EFCAB11: variants seen among roughly 807,000 people sequenced by gnomAD.
EFCAB11 encodes the protein EF-hand calcium binding domain 11, also known as EF-hand calcium-binding domain-containing protein 11.
A neutral mutation model predicts 23.0 loss-of-function variants in EFCAB11; 14 were observed. The observed-to-expected ratio is 0.61, with a 90% CI of 0.40 to 0.95. EFCAB11 has a LOEUF of 0.95. EFCAB11 is among the 40% of genes least tolerant of loss of function. The probability of loss-of-function intolerance (pLI) is 0.00; values close to 1 mark genes in which losing one functional copy is unlikely to be tolerated. For synonymous variants in EFCAB11, 65 were observed against 66.6 expected, an observed-to-expected ratio of 0.98 and a Z score of 0.11; for missense variants, 198 against 195.8, an observed-to-expected ratio of 1.01 and a Z score of -0.07.
At chr14:89,953,866 G>T in intron 2 of EFCAB11, 40 bp downstream of exon 2, 1 of 1,537,292 alleles carries the variant, frequency 6.5e-7, no homozygotes, top group South Asian at 1.1e-5. Flanking sequence ...ATTCACCTTT[G>T]ATCGTCTACC....
intron 5 of EFCAB11, among the ~76,000 whole-genome samples, chr14:89,853,388 C>A (rs995826229): frequency 6.6e-6 from 1 of 152,188 alleles, no homozygotes; most frequent in Non-Finnish European, 1.5e-5. Context: ...TTATTGAGTA[C>A]CTACTATGTG....
chr14:89,885,474 C>G (rs559011368), intron 5 of EFCAB11, among the ~76,000 whole-genome samples: 1 of 151,962 alleles, frequency 6.6e-6, no homozygotes, highest in East Asian at 1.9e-4. Context: ...ATCAGGAGAT[C>G]GAGACCATCC....
At chr14:89,867,719 A>C (rs1179654836) in intron 5 of EFCAB11, among the ~76,000 whole-genome samples, 1 of 152,230 alleles carries the variant, frequency 6.6e-6, no homozygotes, top group African/African-American at 2.4e-5. Flanking sequence ...TGTTAGTATG[A>C]ATTAGTTAAA....
At chr14:89,920,546 C>T (rs1384915785) in intron 5 of EFCAB11, among the ~76,000 whole-genome samples, 1 of 152,252 alleles carries the variant, frequency 6.6e-6, no homozygotes, top group Non-Finnish European at 1.5e-5. Flanking sequence ...AGTCTTTAGA[C>T]CTCTCTGAGC....
chr14:89,898,340 TTTTC>T (rs1387158282), intron 5 of EFCAB11, among the ~76,000 whole-genome samples: 9 of 151,082 alleles, frequency 6.0e-5, no homozygotes, highest in African/African-American at 2.2e-4. Flanking sequence ...CATGATGTGA[TTTTC>T]TTTTTCTCGT....
At chr14:89,806,596 T>C (rs942116116) in intron 5 of EFCAB11, among the ~76,000 whole-genome samples, 5 of 152,196 alleles carry the variant, frequency 3.3e-5, no homozygotes, top group Non-Finnish European at 7.3e-5. Context: ...TCTTCCATTC[T>C]TCCCCCCATG....
intron 5 of EFCAB11, among the ~76,000 whole-genome samples, chr14:89,840,090 T>A (rs578105423): frequency 1.3e-5 from 2 of 152,338 alleles, no homozygotes; most frequent in South Asian, 4.1e-4. Context: ...GATTTGCCAC[T>A]TAAAAGTGCC....
chr14:89,854,895 C>G (rs757537392), intron 5 of EFCAB11, among the ~76,000 whole-genome samples: 3 of 152,166 alleles, frequency 2.0e-5, no homozygotes, highest in Non-Finnish European at 2.9e-5. Flanking sequence ...TAGACTCTTG[C>G]ATTGGGGCCT....
chr14:89,915,184 C>T (rs912667045), intron 5 of EFCAB11, among the ~76,000 whole-genome samples: 1 of 152,100 alleles, frequency 6.6e-6, no homozygotes, highest in African/African-American at 2.4e-5. Flanking sequence ...AGGCTATTTC[C>T]AGGATGGAGT....
At chr14:89,938,177 G>A (rs1327842372) in intron 3 of EFCAB11, 2 of 152,146 alleles carry the variant, frequency 1.3e-5, no homozygotes, top group Non-Finnish European at 2.9e-5. Context: ...CCTGGGGAGA[G>A]TGAAGGAGAA....
intron 3 of EFCAB11, among the ~76,000 whole-genome samples, chr14:89,939,281 A>T (rs1397393350): frequency 6.6e-6 from 1 of 152,090 alleles, no homozygotes; most frequent in African/African-American, 2.4e-5. Context: ...AGAGGTTAAA[A>T]AAAAAAAGTA....
chr14:89,894,296 C>T (rs1159607047), intron 5 of EFCAB11, among the ~76,000 whole-genome samples: 3 of 151,744 alleles, frequency 2.0e-5, no homozygotes, highest in East Asian at 1.9e-4. Context: ...ATGTGCGGAA[C>T]GTGCAGGTTT....
intron 3 of EFCAB11, among the ~76,000 whole-genome samples, chr14:89,943,657 G>A (rs1337829433): frequency 2.6e-5 from 4 of 152,158 alleles, no homozygotes; most frequent in Admixed American, 1.3e-4. Flanking sequence ...AAATTGACTC[G>A]TATCAATAAG....
At chr14:89,815,957 A>T (rs1318312161) in intron 5 of EFCAB11, among the ~76,000 whole-genome samples, 1 of 152,142 alleles carries the variant, frequency 6.6e-6, no homozygotes, top group African/African-American at 2.4e-5. Context: ...ATTACATTGA[A>T]TCTGTAGATA....
chr14:89,875,034 T>G (rs142161768), intron 5 of EFCAB11, among the ~76,000 whole-genome samples: 9 of 152,246 alleles, frequency 5.9e-5, no homozygotes, highest in South Asian at 2.1e-4. Flanking sequence ...GTCAGTGTAG[T>G]GCACATGCAG....
intron 5 of EFCAB11, among the ~76,000 whole-genome samples, chr14:89,805,444 G>C (rs542650961): frequency 3.9e-5 from 6 of 152,306 alleles, no homozygotes; most frequent in Admixed American, 2.0e-4. Flanking sequence ...AATTTTGCTT[G>C]CAAGTTGAGA....
At chr14:89,951,487 A>G (rs1324041611) in intron 2 of EFCAB11, among the ~76,000 whole-genome samples, 1 of 152,082 alleles carries the variant, frequency 6.6e-6, no homozygotes, top group Non-Finnish European at 1.5e-5. Flanking sequence ...CTTTCTTGGT[A>G]TCTATCACAG....
intron 5 of EFCAB11, among the ~76,000 whole-genome samples, chr14:89,912,922 A>C (rs746745630): frequency 6.6e-6 from 1 of 152,316 alleles, no homozygotes; most frequent in East Asian, 1.9e-4. Context: ...AGAGCACAAG[A>C]TTTCTGCTGT....
chr14:89,913,304 T>C lies in EFCAB11; in HGVS notation c.410+18237A>G, dbSNP rs141878035. On this transcript the variant is annotated intron_variant, in intron 5 of 5. Coordinates refer to ENST00000316738, the MANE Select transcript of EFCAB11 (RefSeq NM_145231.4). ...ATACTCCATATTTAGCATGAAAGTT[T>C]ATTGAGATGGGACAAGTATATATTT... 2.3e-3 allele frequency among the ~76,000 whole-genome samples: 352 copies of C among 152,318 alleles called. 3 individuals are homozygous for C. The highest frequency in any genetic ancestry group is 7.9e-3 in the African/African-American group (329 of 41,572).
Sources: allele counts gnomAD v4.1 joint callset (sites outside exome capture counted in the v4.1 genomes callset), GRCh38; gene constraint gnomAD v4.1.1; transcripts MANE v1.5; gene names NCBI Gene and HGNC (gene_info 2026-07-23, HGNC 2026-07-21).